The following ITSN1 variants were observed in gnomAD, a reference collection of about 807,000 sequenced individuals.
ITSN1 encodes intersectin-1.
ITSN1 carries 58 observed loss-of-function variants against 239.8 expected under a neutral mutation model. The observed-to-expected ratio is 0.24, with a 90% CI of 0.20 to 0.30. ITSN1 has a LOEUF of 0.30. Ranked by LOEUF, ITSN1 falls within the 10% of genes least tolerant of loss-of-function variation. The probability of loss-of-function intolerance (pLI) is 1.00; values close to 1 mark genes in which losing one functional copy is unlikely to be tolerated. For synonymous variants in ITSN1, 780 were observed against 770.8 expected (o/e 1.01, Z -0.20); for missense variants, 1,558 against 2,103.3 (o/e 0.74, Z 5.07).
intron 16 of ITSN1, among the ~76,000 whole-genome samples, chr21:33,784,925 G>A (rs1415720240): frequency 2.6e-5 from 4 of 152,146 alleles, no homozygotes; most frequent in Admixed American, 6.5e-5. Flanking sequence ...GAGCATCCAC[G>A]CTGTTGATGC....
At chr21:33,876,101 CCTTCTTTCTTTCT>C (rs1983714291) in intron 34 of ITSN1, among the ~76,000 whole-genome samples, 1 of 79,556 alleles carries the variant, frequency 1.3e-5, no homozygotes, top group Non-Finnish European at 2.9e-5. Context: ...TTCTTTCTTT[CCTTCTTTCTTTCT>C]TTCTTTCTTT....
chr21:33,859,367 T>G (rs997418035), intron 31 of ITSN1, among the ~76,000 whole-genome samples: 5 of 152,200 alleles, frequency 3.3e-5, no homozygotes, highest in African/African-American at 1.2e-4. Context: ...CTGCCTTTCC[T>G]TTTTGAGCCT....
chr21:33,800,746 T>C (rs568991580), intron 19 of ITSN1, among the ~76,000 whole-genome samples: 4 of 152,120 alleles, frequency 2.6e-5, no homozygotes, highest in Admixed American at 2.0e-4. Flanking sequence ...TTACTCTCTT[T>C]AGAGTCTTAG....
chr21:33,816,193 C>CAA (rs113561711), intron 22 of ITSN1, among the ~76,000 whole-genome samples: 1 of 127,628 alleles, frequency 7.8e-6, no homozygotes. Context: ...ACTGAGTTCT[C>CAA]AAAAAAAAAA....
chr21:33,682,167 A>G (rs1376054448), intron 1 of ITSN1, among the ~76,000 whole-genome samples: 4 of 151,166 alleles, frequency 2.6e-5, no homozygotes, highest in South Asian at 2.1e-4. Flanking sequence ...ACTCAGGACA[A>G]CTATTGGTGT....
At chr21:33,855,580 C>A (rs1377517827) in intron 29 of ITSN1, among the ~76,000 whole-genome samples, 2 of 152,262 alleles carry the variant, frequency 1.3e-5, no homozygotes, top group Non-Finnish European at 2.9e-5. Flanking sequence ...TCCCAAGAAC[C>A]AAGCCTCCCT....
chr21:33,661,869 C>T (rs951398613), intron 1 of ITSN1, among the ~76,000 whole-genome samples: 5 of 151,956 alleles, frequency 3.3e-5, no homozygotes, highest in African/African-American at 1.2e-4. Flanking sequence ...CCTCCCCAGC[C>T]ACCTGTAACT....
At chr21:33,785,567 ATTCC>A (rs1347256376) in intron 16 of ITSN1, among the ~76,000 whole-genome samples, 3 of 152,350 alleles carry the variant, frequency 2.0e-5, no homozygotes, top group Admixed American at 2.0e-4. Context: ...TTCAGGAAGA[ATTCC>A]TTCCTTCCCT....
intron 1 of ITSN1, among the ~76,000 whole-genome samples, chr21:33,674,848 A>G (rs1410184191): frequency 6.6e-6 from 1 of 152,224 alleles, no homozygotes; most frequent in East Asian, 1.9e-4. Context: ...GTATCTTCTG[A>G]CATTTTTGGC....
At chr21:33,793,895 G>A (rs2071338322) in intron 16 of ITSN1, among the ~76,000 whole-genome samples, 1 of 152,210 alleles carries the variant, frequency 6.6e-6, no homozygotes, top group Non-Finnish European at 1.5e-5. Flanking sequence ...AGGTGGAGGT[G>A]AGGTTTGAAT....
intron 30 of ITSN1, 40 bp downstream of exon 30, chr21:33,856,897 A>G: frequency 6.3e-7 from 1 of 1,583,778 alleles, no homozygotes; most frequent in Non-Finnish European, 8.7e-7. Flanking sequence ...GCAGGGGGCG[A>G]TGACGGAGGG....
chr21:33,782,915 C>T (rs181650012), intron 16 of ITSN1, among the ~76,000 whole-genome samples: 31 of 151,872 alleles, frequency 2.0e-4, no homozygotes, highest in Non-Finnish European at 3.8e-4. Flanking sequence ...GTCCCAGCTA[C>T]TTGGGAGGCT....
At chr21:33,706,986 G>C (rs2092273405) in intron 1 of ITSN1, among the ~76,000 whole-genome samples, 1 of 152,190 alleles carries the variant, frequency 6.6e-6, no homozygotes, top group African/African-American at 2.4e-5. Context: ...GCCTCCCAAA[G>C]TGCTGGGATT....
chr21:33,704,486 ACT>A (rs1313376330), intron 1 of ITSN1, among the ~76,000 whole-genome samples: 1 of 151,828 alleles, frequency 6.6e-6, no homozygotes, highest in Non-Finnish European at 1.5e-5. Flanking sequence ...CTGAATCCAG[ACT>A]CTCTCTTCCA....
chr21:33,671,491 G>A (rs372711509), intron 1 of ITSN1, among the ~76,000 whole-genome samples: 3 of 152,012 alleles, frequency 2.0e-5, no homozygotes, highest in African/African-American at 7.2e-5. Context: ...CACCGCGTTG[G>A]TCAGGCTGGT....
rs758407545 is a variant in ITSN1 at position 33,817,581 on chromosome 21, A to T, written c.2728-686A>T. 27 of 1,300,406 alleles carry T rather than the reference A, an allele frequency of 2.1e-5. No homozygotes were observed. In the South Asian group the frequency reaches 3.1e-4, roughly 15 times the overall value. 80.6% of individuals were successfully genotyped at this position (1,300,406 alleles called of 1,614,324 possible). Reference sequence around the variant, plus strand: ...ATCTCTGTCTTCCCCATTACTTGTGAATTACCTGCTAGTAATACTGCCCAT... The same window carrying T: ...ATCTCTGTCTTCCCCATTACTTGTGTATTACCTGCTAGTAATACTGCCCAT... On this transcript the variant is annotated intron_variant, in intron 22 of 39. Transcript: ENST00000381318.
chr21:33,698,693 C>CT (rs2091895732), intron 1 of ITSN1, among the ~76,000 whole-genome samples: 1 of 152,128 alleles, frequency 6.6e-6, no homozygotes, highest in Non-Finnish European at 1.5e-5. Flanking sequence ...TTTTGTCTCG[C>CT]TTTCAGTACC....
chr21:33,883,805 G>C, intron 36 of ITSN1, 134 bp downstream of exon 36: 1 of 984,438 alleles, frequency 1.0e-6, no homozygotes, highest in Non-Finnish European at 1.4e-6. Context: ...GTGGGGATGG[G>C]GCTATTACTT....
intron 16 of ITSN1, among the ~76,000 whole-genome samples, chr21:33,791,888 G>C (rs1295975730): frequency 2.0e-5 from 3 of 152,130 alleles, no homozygotes; most frequent in Non-Finnish European, 4.4e-5. Context: ...TCAGATTCCT[G>C]AACATCAAGC....
Sources: gnomAD v4.1 joint callset for allele counts (sites outside exome capture counted in the v4.1 genomes callset) on GRCh38, gnomAD v4.1.1 for gene constraint, MANE v1.5 for transcripts, NCBI Gene and HGNC (gene_info 2026-07-23, HGNC 2026-07-21) for gene names.